Variants in ELOVL6 observed in about 807,000 individuals in gnomAD.
ELOVL6 encodes the protein very long chain fatty acid elongase 6.
In ELOVL6, 8 loss-of-function variants were observed where a neutral mutation model predicts 31.7. The observed-to-expected ratio is 0.25, with a 90% CI of 0.15 to 0.45. The LOEUF is 0.45. Ranked by LOEUF, ELOVL6 falls within the 20% of genes least tolerant of loss-of-function variation. The probability of loss-of-function intolerance (pLI) is 1.00; values close to 1 mark genes in which losing one functional copy is unlikely to be tolerated. For synonymous variants in ELOVL6, 101 were observed against 117.7 expected (o/e 0.86, Z 0.92); for missense variants, 126 against 326.4 (o/e 0.39, Z 4.73).
chr4:110,129,289 G>A (rs1252452934), intron 1 of ELOVL6, among the ~76,000 whole-genome samples: 1 of 152,084 alleles, frequency 6.6e-6, no homozygotes, highest in African/African-American at 2.4e-5. Context: ...CTTCTTACCA[G>A]CTGAGAAACA....
intron 2 of ELOVL6, among the ~76,000 whole-genome samples, chr4:110,075,193 C>G (rs1755595438): frequency 6.6e-6 from 1 of 152,088 alleles, no homozygotes; most frequent in South Asian, 2.1e-4. Context: ...GGCTCTATGG[C>G]TATTGAAAAC....
intron 1 of ELOVL6, among the ~76,000 whole-genome samples, chr4:110,113,056 C>T (rs1459786802): frequency 6.6e-6 from 1 of 151,596 alleles, no homozygotes; most frequent in African/African-American, 2.4e-5. Flanking sequence ...AACCCCGTCT[C>T]TACTAAAAAA....
At chr4:110,153,584 C>G (rs1461221765) in intron 1 of ELOVL6, among the ~76,000 whole-genome samples, 2 of 152,160 alleles carry the variant, frequency 1.3e-5, no homozygotes, top group Admixed American at 1.3e-4. Flanking sequence ...ATAAATGCTC[C>G]TTTCAGATTC....
Position 110,048,965 on chromosome 4 carries a change from C to T in ELOVL6, c.*2373G>A, listed in dbSNP as rs1754768246. 1 of 152,168 alleles carries T rather than the reference C, an allele frequency of 6.6e-6. No homozygotes were observed. The highest frequency in any genetic ancestry group is 2.4e-5 in the African/African-American group (1 of 41,450). 9.4% of individuals were successfully genotyped at this position (152,168 alleles called of 1,614,324 possible). A position where few individuals can be genotyped will look rare whatever the true frequency, so the allele number is the denominator to read the frequency against. On this transcript the variant is annotated 3_prime_UTR_variant, in exon 4 of 4. Transcript: ENST00000302274. The stretch of plus-strand genomic sequence containing the variant: ...ATTAAGAGATCTGCAATAAATCACT[C>T]AATTAAATAATTAAATCAACCAGAT...
chr4:110,188,533 C>T (rs1759511577), intron 1 of ELOVL6, among the ~76,000 whole-genome samples: 1 of 152,112 alleles, frequency 6.6e-6, no homozygotes. Flanking sequence ...ACTCCCCTTC[C>T]TGAGTTGTCC....
Position 110,049,098 on chromosome 4 carries a change from G to A in ELOVL6, c.*2240C>T, listed in dbSNP as rs897246226. ...TATAAGGAAAAAAGGCTTATTGCAC[G>A]GTATCATGTATTTGCGAAGCTCAAA... On this transcript the variant is annotated 3_prime_UTR_variant, in exon 4 of 4. Coordinates refer to ENST00000302274, the MANE Select transcript of ELOVL6 (RefSeq NM_024090.3). 4 of 152,090 alleles carry A rather than the reference G, an allele frequency of 2.6e-5. No homozygotes were observed. Among genetic ancestry groups the A allele is most frequent in the South Asian group, 2.1e-4 (1 of 4,832 alleles). The allele number at this position is 152,090 out of a possible 1,614,324, so 9.4% of individuals were successfully genotyped here.
intron 2 of ELOVL6, among the ~76,000 whole-genome samples, chr4:110,096,597 A>AT (rs1031348484): frequency 1.3e-5 from 2 of 152,152 alleles, no homozygotes; most frequent in African/African-American, 4.8e-5. Flanking sequence ...CTGGGTTGAC[A>AT]TTGGAATTTC....
Position 110,047,338 on chromosome 4 carries a change from CAA to C in ELOVL6, c.*3998_*3999del, listed in dbSNP as rs367766977. 2.1e-4 allele frequency: 28 copies of C among 133,038 alleles called. No homozygotes were observed. Among genetic ancestry groups the C allele is most frequent in the Admixed American group, 2.2e-4 (3 of 13,506 alleles). 8.2% of individuals were successfully genotyped at this position (133,038 alleles called of 1,614,324 possible). ...TCTGTTAAAGAATCATTAAGGAAAC[CAA>C]AAAAAAAAAAAAGCCCTCAGAATAT... On this transcript the variant is annotated 3_prime_UTR_variant, in exon 4 of 4. Coordinates refer to ENST00000302274, the MANE Select transcript of ELOVL6 (RefSeq NM_024090.3).
rs149312923 is a variant in ELOVL6, at chr4:110,066,815, G to A, written c.222-7061C>T. 6.2e-3 allele frequency among the ~76,000 whole-genome samples: 944 copies of A among 152,056 alleles called. 3 individuals carry two copies. The highest frequency in any genetic ancestry group is 0.02 in the Middle Eastern group (6 of 294). The stretch of plus-strand genomic sequence containing the variant: ...GCAGAACGTGCAGGTTTGCTACATA[G>A]GTATACATGTGCCATGGTGGTTTGC... On this transcript the variant is annotated intron_variant, in intron 2 of 3. Coordinates refer to ENST00000302274, the MANE Select transcript of ELOVL6 (RefSeq NM_024090.3).
At chr4:110,065,907 G>A (rs542760919) in intron 2 of ELOVL6, among the ~76,000 whole-genome samples, 39 of 152,152 alleles carry the variant, frequency 2.6e-4, no homozygotes, top group African/African-American at 7.2e-4. Context: ...ATTGATCTTC[G>A]TCTTAAATGT....
At chr4:110,171,805 T>A (rs1758956409) in intron 1 of ELOVL6, among the ~76,000 whole-genome samples, 1 of 143,490 alleles carries the variant, frequency 7.0e-6, no homozygotes, top group South Asian at 2.4e-4. Flanking sequence ...TCCTCCCACC[T>A]CAGACTCCCA....
rs192379055 is a variant in ELOVL6 at position 110,102,847 on chromosome 4, T to C, written c.221+2650A>G. On this transcript the variant is annotated intron_variant, in intron 2 of 3. Transcript: ENST00000302274. Reference sequence around the variant, plus strand: ...CACCATAGGAATTAGGGCTCTGATATGGTTCAGCTGGGTCCCCACCAAAAT... The same window carrying C: ...CACCATAGGAATTAGGGCTCTGATACGGTTCAGCTGGGTCCCCACCAAAAT... 1.4e-4 allele frequency among the ~76,000 whole-genome samples: 21 copies of C among 150,492 alleles called. No homozygotes were observed. The East Asian group carries it at 3.7e-3, about 27-fold the overall frequency.
intron 2 of ELOVL6, among the ~76,000 whole-genome samples, chr4:110,084,895 T>C (rs1237799860): frequency 6.6e-6 from 1 of 151,888 alleles, no homozygotes; most frequent in Non-Finnish European, 1.5e-5. Context: ...GCCCGGCGTA[T>C]GCTGTGATAT....
At position 110,051,837 on chromosome 4, in the gene ELOVL6, G is replaced by A; in HGVS notation, c.374-75C>T. On this transcript the variant is annotated intron_variant, in intron 3 of 3. Coordinates refer to ENST00000302274, the MANE Select transcript of ELOVL6 (RefSeq NM_024090.3). This position sits in a 1 kb window ranked among gnomAD's most constrained non-coding sequence, Gnocchi z 4.8. ...CGATGACTTACAGTTTTGTAAGAGG[G>A]TAGACATCCTGAGCTAGGACTGGAG... The A allele has an allele frequency of 7.9e-7, 1 of 1,273,402 alleles. No homozygotes were observed. 78.9% of individuals were successfully genotyped at this position (1,273,402 alleles called of 1,614,324 possible).
At position 110,084,164 on chromosome 4, in the gene ELOVL6, G is replaced by A. The variant is rs1480610685; in HGVS notation, c.221+21333C>T. 6.8e-3 allele frequency among the ~76,000 whole-genome samples: 308 copies of A among 45,384 alleles called. 24 individuals carry two copies. The highest frequency in any genetic ancestry group is 0.059 in the African/African-American group (226 of 3,852). 29.8% of individuals were successfully genotyped at this position (45,384 alleles called of 152,430 possible). On this transcript the variant is annotated intron_variant, in intron 2 of 3. Coordinates refer to ENST00000302274, the MANE Select transcript of ELOVL6 (RefSeq NM_024090.3). ...TATATATGATATATATAACATATATGTGATATATATGATATATATAACATA... is the reference window on the plus strand; with the variant it reads ...TATATATGATATATATAACATATATATGATATATATGATATATATAACATA...
chr4:110,118,541 T>C (rs1303134737), intron 1 of ELOVL6, among the ~76,000 whole-genome samples: 1 of 152,244 alleles, frequency 6.6e-6, no homozygotes, highest in Admixed American at 6.5e-5. Context: ...TGGCTTAGGA[T>C]AATATCTTCC....
chr4:110,080,302 A>G (rs1189764963), intron 2 of ELOVL6, among the ~76,000 whole-genome samples: 8 of 152,250 alleles, frequency 5.3e-5, no homozygotes, highest in Non-Finnish European at 2.9e-5. Context: ...AGAGAATTTT[A>G]GACCAATATC....
At chr4:110,181,810 T>C (rs1759281765) in intron 1 of ELOVL6, among the ~76,000 whole-genome samples, 1 of 152,148 alleles carries the variant, frequency 6.6e-6, no homozygotes, top group African/African-American at 2.4e-5. Context: ...CCCTGTCACA[T>C]TGCTCCCAAG....
intron 1 of ELOVL6, among the ~76,000 whole-genome samples, chr4:110,181,461 A>C (rs1759272987): frequency 6.6e-6 from 1 of 152,034 alleles, no homozygotes; most frequent in Admixed American, 6.6e-5. Context: ...TAAATAAATA[A>C]ATAAAGTTAA....
Sources: allele counts gnomAD v4.1 joint callset (sites outside exome capture counted in the v4.1 genomes callset), GRCh38; gene constraint gnomAD v4.1.1; non-coding constraint Gnocchi (gnomAD v3.1); transcripts MANE v1.5; gene names NCBI Gene and HGNC (gene_info 2026-07-23, HGNC 2026-07-21).